Variants in COBL observed in about 807,000 individuals in gnomAD.
COBL encodes the protein protein cordon-bleu.
Under a neutral mutation model 98.8 loss-of-function variants are expected in COBL, and 51 were observed. The ratio of observed to expected loss-of-function variants is 0.52; its 90% CI spans 0.41 to 0.65. The LOEUF is 0.65. Ranked by LOEUF, COBL falls within the 30% of genes least tolerant of loss-of-function variation. The probability of loss-of-function intolerance (pLI) is 0.00; values close to 1 mark genes in which losing one functional copy is unlikely to be tolerated. For missense variants in COBL, 1,617 were observed against 1,617.5 expected (o/e 1.00, Z 0.01); for synonymous variants, 634 against 651.7 (o/e 0.97, Z 0.41).
intron 1 of COBL, among the ~76,000 whole-genome samples, chr7:51,294,152 A>G (rs927299176): frequency 2.8e-4 from 42 of 151,396 alleles, no homozygotes; most frequent in Non-Finnish European, 4.6e-4. Context: ...TTAGCCAGGC[A>G]TGGTGGCACA....
In COBL at chr7:51,191,080, TG is replaced by T. The variant is rs1398469688; in HGVS notation, c.457-3del. On this transcript the variant is annotated splice_polypyrimidine_tract_variant and splice_region_variant and intron_variant, in intron 3 of 12. Transcript: ENST00000265136. ...ATTCACGACCAAACGCACAGATTTC[TG>T]GAAGAACACACAGGCAAAAAGAATT... 12 of 1,613,320 alleles carry T rather than the reference TG, an allele frequency of 7.4e-6. No individual in the cohort carries two copies. The highest frequency in any genetic ancestry group is 1.0e-5 in the Non-Finnish European group (12 of 1,179,742).
rs973723328 is a variant in COBL, at chr7:51,156,464, C to G, written c.784-20133G>C. 22 of 985,130 alleles carry G rather than the reference C, an allele frequency of 2.2e-5. No individual in the cohort carries two copies. In the Admixed American group the frequency reaches 4.9e-4, roughly 22 times the overall value. The allele number at this position is 985,130 out of a possible 1,614,324, so 61.0% of individuals were successfully genotyped here. The stretch of plus-strand genomic sequence containing the variant: ...GAATCACCCAGCAGGAAGCATCACC[C>G]AGAATTATTCAGTTTTATTGGAGGC... On this transcript the variant is annotated intron_variant, in intron 5 of 12. Transcript: ENST00000265136.
chr7:51,250,339 G>A (rs1796623379), intron 1 of COBL, among the ~76,000 whole-genome samples: 2 of 152,116 alleles, frequency 1.3e-5, no homozygotes, highest in African/African-American at 2.4e-5. Context: ...ACTGCCAGTT[G>A]CCTATGCTAT....
chr7:51,172,337 G>T (rs985550859), intron 5 of COBL: 9 of 503,322 alleles, frequency 1.8e-5, no homozygotes, highest in Non-Finnish European at 2.8e-5. Context: ...ACTCTATCTA[G>T]ACTACAAAAA....
At chr7:51,242,020 A>G (rs1795837786) in intron 1 of COBL, among the ~76,000 whole-genome samples, 1 of 152,204 alleles carries the variant, frequency 6.6e-6, no homozygotes, top group Non-Finnish European at 1.5e-5. Flanking sequence ...ACAGATGAAA[A>G]ACTGAAAGCA....
intron 12 of COBL, chr7:51,018,234 GGTAACT>G (rs1786489988): frequency 6.5e-6 from 1 of 153,402 alleles, no homozygotes; most frequent in Non-Finnish European, 1.4e-5. Flanking sequence ...TGATGGTGGT[GGTAACT>G]GTGGTGGTGA....
chr7:51,170,419 A>G (rs1211699918), intron 5 of COBL, among the ~76,000 whole-genome samples: 1 of 150,526 alleles, frequency 6.6e-6, no homozygotes, highest in Admixed American at 6.6e-5. Flanking sequence ...CCCATTCCTC[A>G]TGCTTTTCGG....
At chr7:51,080,885 A>C (rs564577343) in intron 7 of COBL, among the ~76,000 whole-genome samples, 3 of 140,592 alleles carry the variant, frequency 2.1e-5, no homozygotes, top group South Asian at 5.0e-4. Context: ...CCCAGATTTC[A>C]ACATTATGAA....
intron 7 of COBL, among the ~76,000 whole-genome samples, chr7:51,074,770 C>T (rs1792898379): frequency 6.6e-6 from 1 of 152,192 alleles, no homozygotes; most frequent in African/African-American, 2.4e-5. Context: ...ATATTTGTTA[C>T]TACTTTGCAG....
chr7:51,259,516 T>C, intron 1 of COBL: 1 of 660,324 alleles, frequency 1.5e-6, no homozygotes, highest in Non-Finnish European at 2.8e-6. Context: ...ACTCTATTTG[T>C]GGTAGCAAGA....
At chr7:51,113,322 T>C (rs1797000413) in intron 6 of COBL, among the ~76,000 whole-genome samples, 1 of 152,254 alleles carries the variant, frequency 6.6e-6, no homozygotes. Context: ...CTTACTGTTC[T>C]ATCAACTGTT....
chr7:51,109,439 G>A (rs921416601), intron 6 of COBL, among the ~76,000 whole-genome samples: 11 of 151,978 alleles, frequency 7.2e-5, no homozygotes, highest in South Asian at 2.1e-4. Context: ...CTTCCATCTC[G>A]CTCGCCACCT....
intron 6 of COBL, among the ~76,000 whole-genome samples, chr7:51,089,616 C>G (rs1794622044): frequency 6.6e-6 from 1 of 152,012 alleles, no homozygotes; most frequent in Non-Finnish European, 1.5e-5. Flanking sequence ...TGAAGTAATA[C>G]TTTTTTTTAG....
chr7:51,278,379 C>CAT (rs576247490), intron 1 of COBL, among the ~76,000 whole-genome samples: 1 of 119,520 alleles, frequency 8.4e-6, no homozygotes, highest in East Asian at 2.5e-4. Context: ...TAGACAGGAT[C>CAT]TTTTTTTTTT....
At chr7:51,099,853 T>C (rs903701607) in intron 6 of COBL, among the ~76,000 whole-genome samples, 1 of 152,186 alleles carries the variant, frequency 6.6e-6, no homozygotes, top group African/African-American at 2.4e-5. Context: ...ATATGAAACC[T>C]TTCCATTTTT....
intron 1 of COBL, among the ~76,000 whole-genome samples, chr7:51,312,959 T>C (rs1446264047): frequency 1.3e-5 from 2 of 152,214 alleles, no homozygotes; most frequent in Non-Finnish European, 2.9e-5. Flanking sequence ...CTCTTCTAAT[T>C]TATTAGTAAA....
chr7:51,271,856 C>A (rs1035234368), intron 1 of COBL, among the ~76,000 whole-genome samples: 10 of 152,168 alleles, frequency 6.6e-5, no homozygotes, highest in Non-Finnish European at 8.8e-5. Flanking sequence ...CATGGTGAAA[C>A]CCCATATCTA....
intron 1 of COBL, among the ~76,000 whole-genome samples, chr7:51,283,388 G>T (rs1396130382): frequency 6.6e-6 from 1 of 152,132 alleles, no homozygotes; most frequent in Non-Finnish European, 1.5e-5. Context: ...AAATGACACA[G>T]ATCAATTTCT....
Position 51,299,330 on chromosome 7 carries a change from G to A in COBL, c.41+17263C>T, listed in dbSNP as rs146763146. Among the ~76,000 whole-genome samples, 366 of 152,346 alleles carry A rather than the reference G, an allele frequency of 2.4e-3. 1 individual carries two copies. The highest frequency in any genetic ancestry group is 8.3e-3 in the African/African-American group (346 of 41,580). On this transcript the variant is annotated intron_variant, in intron 1 of 12. Coordinates refer to ENST00000265136, the MANE Select transcript of COBL (RefSeq NM_015198.5). The stretch of plus-strand genomic sequence containing the variant: ...GAAAGTATTATATTCCAAAGAACTT[G>A]TGCAAATCCTTTGCTTCGATTTGCT...
Sources: allele counts gnomAD v4.1 joint callset (sites outside exome capture counted in the v4.1 genomes callset), GRCh38; gene constraint gnomAD v4.1.1; transcripts MANE v1.5; gene names NCBI Gene and HGNC (gene_info 2026-07-23, HGNC 2026-07-21).